The following TP53RK variants were observed in gnomAD, a reference collection of about 807,000 sequenced individuals.
TP53RK encodes the protein EKC/KEOPS complex subunit TP53RK.
TP53RK carries 17 observed loss-of-function variants against 14.9 expected under a neutral mutation model. That is an observed-to-expected ratio of 1.14 (90% confidence interval 0.78 to 1.71). The LOEUF is 1.71. Among genes scored for constraint, TP53RK ranks in the 40% most tolerant of loss-of-function variants. The pLI, the probability that TP53RK is intolerant of heterozygous loss-of-function variation, is 0.00. For missense variants in TP53RK, 343 were observed against 332.0 expected (o/e 1.03, Z -0.26); for synonymous variants, 131 against 138.0 (o/e 0.95, Z 0.36).
rs1289220115 is a variant in TP53RK, at chr20:46,687,199, AGTCC to A, written c.312_315del (p.Asp105MetfsTer15). 2 of 1,598,176 alleles carry A rather than the reference AGTCC, an allele frequency of 1.3e-6. No homozygotes were observed. The highest frequency in any genetic ancestry group is 1.7e-5 in the Admixed American group (1 of 58,680). On this transcript the variant is annotated frameshift_variant, in exon 2 of 2. Coordinates refer to ENST00000372114, the MANE Select transcript of TP53RK (RefSeq NM_033550.4). LOFTEE classifies it high-confidence loss of function. Reference sequence around the variant, plus strand: ...TCCATATATAAGCAGTTGGAAGCATAGTCCACAAAAAAGACAACTGGGGCAGATA... The same window carrying A: ...TCCATATATAAGCAGTTGGAAGCATAACAAAAAAGACAACTGGGGCAGATA...
intron 1 of TP53RK, among the ~76,000 whole-genome samples, chr20:46,688,481 G>A (rs1274939454): frequency 6.6e-6 from 1 of 152,244 alleles, no homozygotes; most frequent in Admixed American, 6.5e-5. Flanking sequence ...CAAAGTTTAT[G>A]GTGCTGGCGC....
chr20:46,686,754 T>A lies in TP53RK; in HGVS notation c.761A>T (p.Ter254LeuextTer10). The change falls in exon 2 of 2, where the codon TAG becomes TTG. Residue 254 changes from the stop codon to leucine, a stop_lost. Coordinates refer to ENST00000372114, the MANE Select transcript of TP53RK (RefSeq NM_033550.4). ...LRGRKRSMVG* is the reference protein window; with the variant it reads ...LRGRKRSMVGL ...TGTGTGGTTGTCATACACATTCTTC[T>A]ACCCAACCATGGACCTCTTTCTTCC... 1 of 1,610,662 alleles carries A rather than the reference T, an allele frequency of 6.2e-7. No homozygotes were observed. The highest frequency in any genetic ancestry group is 8.5e-7 in the Non-Finnish European group (1 of 1,177,310).
At chr20:46,687,526 A>G (rs2063185912) in intron 1 of TP53RK, among the ~76,000 whole-genome samples, 2 of 152,136 alleles carry the variant, frequency 1.3e-5, no homozygotes, top group African/African-American at 4.8e-5. Context: ...TAAAAAACAA[A>G]CAAAACAAAG....
chr20:46,689,005 C>T, intron 1 of TP53RK, 127 bp downstream of exon 1: 2 of 1,052,270 alleles, frequency 1.9e-6, no homozygotes, highest in Non-Finnish European at 1.3e-6. Flanking sequence ...TCCGAAAGGC[C>T]GGACACCGCA....
intron 1 of TP53RK, 107 bp from the exon 2 acceptor site, chr20:46,687,338 C>G (rs1344988512): frequency 5.2e-6 from 5 of 968,054 alleles, no homozygotes; most frequent in Admixed American, 2.3e-5. Context: ...TATTTCAGGA[C>G]TATTGAGGAA....
In TP53RK at chr20:46,689,154, C is replaced by G; in HGVS notation, c.261G>C (p.Ala87=). Reference sequence around the variant, plus strand: ...TACCAGCGCGGCGACAGCGGAGGAGCGCCCGGGCCTCCTGCACCGTCCGCC... The same window carrying G: ...TACCAGCGCGGCGACAGCGGAGGAGGGCCCGGGCCTCCTGCACCGTCCGCC... ...GRRRTVQEAR[A]LLRCRRAGIS... Residue 87 remains alanine (A), a synonymous_variant, in exon 1 of 2, where the codon GCG becomes GCC. Coordinates refer to ENST00000372114, the MANE Select transcript of TP53RK (RefSeq NM_033550.4). The G allele has an allele frequency of 7.1e-7, 1 of 1,418,050 alleles. No homozygotes were observed. Among genetic ancestry groups the G allele is most frequent in the South Asian group, 1.5e-5 (1 of 67,474 alleles). 87.8% of individuals were successfully genotyped at this position (1,418,050 alleles called of 1,614,324 possible). A position where few individuals can be genotyped will look rare whatever the true frequency, so the allele number is the denominator to read the frequency against.
Position 46,686,524 on chromosome 20 carries a change from A to G in TP53RK, c.*229T>C. The G allele has an allele frequency of 1.8e-6, 1 of 541,586 alleles. No homozygotes were observed. Among genetic ancestry groups the G allele is most frequent in the Middle Eastern group, 5.0e-4 (1 of 1,984 alleles). 33.5% of individuals were successfully genotyped at this position (541,586 alleles called of 1,614,324 possible). On this transcript the variant is annotated 3_prime_UTR_variant, in exon 2 of 2. Transcript: ENST00000372114. ...ATGTATCTGAGATATACATGTCACA[A>G]TCTGGGAGAAGCCTGTCCTCAATTT... is the stretch of plus-strand genomic sequence containing the variant.
Position 46,689,399 on chromosome 20 carries a change from C to T in TP53RK, c.16G>A (p.Ala6Thr), listed in dbSNP as rs751472539. 5 of 1,559,440 alleles carry T rather than the reference C, an allele frequency of 3.2e-6. No homozygotes were observed. Among genetic ancestry groups the T allele is most frequent in the South Asian group, 1.2e-5 (1 of 85,124 alleles). Residue 6 changes from alanine (A) to threonine (T), a missense_variant, in exon 1 of 2, where the codon GCT (alanine) becomes ACT (threonine). Physicochemically the swap from Ala to Thr is moderately conservative, Grantham distance 58. Coordinates refer to ENST00000372114, the MANE Select transcript of TP53RK (RefSeq NM_033550.4). ...TCCTCGCCATCGGCCGGCGTAGTAGCTCTGGCCGCCGCCATGACTGCTCGG... is the reference window on the plus strand; with the variant it reads ...TCCTCGCCATCGGCCGGCGTAGTAGTTCTGGCCGCCGCCATGACTGCTCGG... The part of the protein sequence containing the change: MAAAR[A>T]TTPADGEEPA...
chr20:46,687,086 G>A lies in TP53RK; in HGVS notation c.429C>T (p.Ala143=). Residue 143 remains alanine (A), a synonymous_variant, in exon 2 of 2, where the codon GCC becomes GCT. Coordinates refer to ENST00000372114, the MANE Select transcript of TP53RK (RefSeq NM_033550.4). Reference sequence around the variant, plus strand: ...GAGCCAAAACCTGCCCAATTGTCTTGGCTAAGTTGGAGAGACCCTGGGGAG... The same window carrying A: ...GAGCCAAAACCTGCCCAATTGTCTTAGCTAAGTTGGAGAGACCCTGGGGAG... ...EKTPQGLSNL[A]KTIGQVLARM... 1 of 1,614,122 alleles carries A rather than the reference G, an allele frequency of 6.2e-7. No homozygotes were observed. The highest frequency in any genetic ancestry group is 8.5e-7 in the Non-Finnish European group (1 of 1,180,038).
At position 46,687,203 on chromosome 20, in the gene TP53RK, C is replaced by T; in HGVS notation, c.312G>A (p.Val104=). The T allele has an allele frequency of 1.3e-6, 2 of 1,591,162 alleles. No individual in the cohort carries two copies. The highest frequency in any genetic ancestry group is 1.7e-6 in the Non-Finnish European group (2 of 1,166,574). The change falls in exon 2 of 2, where the codon GTG becomes GTA. Residue 104 remains valine, a synonymous_variant. Transcript: ENST00000372114. ...TATATAAGCAGTTGGAAGCATAGTC[C>T]ACAAAAAAGACAACTGGGGCAGATA... ...AGISAPVVFF[V]DYASNCLYME...
In TP53RK at chr20:46,686,886, G is replaced by C; in HGVS notation, c.629C>G (p.Thr210Ser). The C allele has an allele frequency of 6.2e-7, 1 of 1,614,160 alleles. No homozygotes were observed. Residue 210 changes from threonine (T) to serine (S), a missense_variant, in exon 2 of 2, where the codon ACC (threonine) becomes AGC (serine). Thr to Ser is a moderately conservative substitution (Grantham distance 58). Coordinates refer to ENST00000372114, the MANE Select transcript of TP53RK (RefSeq NM_033550.4). ...AAACACAGTTTCAGTGTTGGGATGGGTACTGAGGAAGGCCTTCTCCAGGAC... is the reference window on the plus strand; with the variant it reads ...AAACACAGTTTCAGTGTTGGGATGGCTACTGAGGAAGGCCTTCTCCAGGAC... ...LYVLEKAFLS[T>S]HPNTETVFEA...
rs138262569 is a variant in TP53RK at position 46,688,594 on chromosome 20, C to G, written c.283+538G>C. Among the ~76,000 whole-genome samples the G allele has an allele frequency of 3.5e-4, 54 of 152,368 alleles. No homozygotes were observed. In the East Asian group the frequency reaches 7.5e-3, roughly 21 times the overall value. On this transcript the variant is annotated intron_variant, in intron 1 of 1. Transcript: ENST00000372114. ...TGAACATAATACGTGACACACATAC[C>G]TCCTCTAATGGTCACAACATCCCTA...
Position 46,689,118 on chromosome 20 carries a change from C to T in TP53RK, c.283+14G>A. ...CCTCGGGGCCGCCCACGCCGGGATC[C>T]CGGCCCACCTTACCAGCGCGGCGAC... On this transcript the variant is annotated intron_variant, in intron 1 of 1. Transcript: ENST00000372114. 7.3e-7 allele frequency: 1 copy of T among 1,367,550 alleles called. No individual in the cohort carries two copies. The highest frequency in any genetic ancestry group is 9.4e-7 in the Non-Finnish European group (1 of 1,066,682). 84.7% of individuals were successfully genotyped at this position (1,367,550 alleles called of 1,614,324 possible).
At position 46,685,640 on chromosome 20, in the gene TP53RK, C is replaced by T. The variant is rs1029196340; in HGVS notation, c.*1113G>A. On this transcript the variant is annotated 3_prime_UTR_variant, in exon 2 of 2. Transcript: ENST00000372114. ...TTTTTTATAAAAATAAATATTCTTA[C>T]AAAAGGACAGGCGCTGTGTCTGTCT... 2 of 152,208 alleles carry T rather than the reference C, an allele frequency of 1.3e-5. No homozygotes were observed. Among genetic ancestry groups the T allele is most frequent in the Non-Finnish European group, 2.9e-5 (2 of 68,030 alleles). The allele number at this position is 152,208 out of a possible 1,614,324, so 9.4% of individuals were successfully genotyped here. A position where few individuals can be genotyped will look rare whatever the true frequency, so the allele number is the denominator to read the frequency against.
Position 46,685,443 on chromosome 20 carries a change from T to C in TP53RK, c.*1310A>G, listed in dbSNP as rs1360603986. On this transcript the variant is annotated 3_prime_UTR_variant, in exon 2 of 2. Transcript: ENST00000372114. ...GATGAATGAAAACAAAAACACAAAA[T>C]ACCAAAACTGAGAGTGTGTGATGAC... The C allele has an allele frequency of 6.6e-6, 1 of 152,048 alleles. No individual in the cohort carries two copies. Among genetic ancestry groups the C allele is most frequent in the Non-Finnish European group, 1.5e-5 (1 of 67,978 alleles). The allele number at this position is 152,048 out of a possible 1,614,324, so 9.4% of individuals were successfully genotyped here. A position where few individuals can be genotyped will look rare whatever the true frequency, so the allele number is the denominator to read the frequency against.
At position 46,684,541 on chromosome 20, in the gene TP53RK, T is replaced by C. The variant is rs2063171532; in HGVS notation, c.*2212A>G. 1 of 152,152 alleles carries C rather than the reference T, an allele frequency of 6.6e-6. No homozygotes were observed. The highest frequency in any genetic ancestry group is 2.4e-5 in the African/African-American group (1 of 41,450). The allele number at this position is 152,152 out of a possible 1,614,324, so 9.4% of individuals were successfully genotyped here. A position where few individuals can be genotyped will look rare whatever the true frequency, so the allele number is the denominator to read the frequency against. On this transcript the variant is annotated 3_prime_UTR_variant, in exon 2 of 2. Coordinates refer to ENST00000372114, the MANE Select transcript of TP53RK (RefSeq NM_033550.4). Reference sequence around the variant, plus strand: ...ACCATCAGATCTCGTGAGAACTCACTCGCTATCACGAGAACAGCACGGAGG... The same window carrying C: ...ACCATCAGATCTCGTGAGAACTCACCCGCTATCACGAGAACAGCACGGAGG...
At chr20:46,688,191 C>T (rs76489436) in intron 1 of TP53RK, among the ~76,000 whole-genome samples, 1 of 152,278 alleles carries the variant, frequency 6.6e-6, no homozygotes, top group East Asian at 1.9e-4. Context: ...TATGAATACA[C>T]AAATAACTTC....
rs1473663579 is a variant in TP53RK at position 46,689,390 on chromosome 20, G to A, written c.25C>T (p.Pro9Ser). Residue 9 changes from proline (P) to serine (S), a missense_variant, in exon 1 of 2, where the codon CCG (proline) becomes TCG (serine). By Grantham distance (74) the Pro-to-Ser change is moderately conservative. Coordinates refer to ENST00000372114, the MANE Select transcript of TP53RK (RefSeq NM_033550.4). ...GGGGCGGGCTCCTCGCCATCGGCCGGCGTAGTAGCTCTGGCCGCCGCCATG... is the reference window on the plus strand; with the variant it reads ...GGGGCGGGCTCCTCGCCATCGGCCGACGTAGTAGCTCTGGCCGCCGCCATG... The part of the protein sequence containing the change: MAAARATT[P>S]ADGEEPAPEA... 7 of 1,568,844 alleles carry A rather than the reference G, an allele frequency of 4.5e-6. No homozygotes were observed. Among genetic ancestry groups the A allele is most frequent in the East Asian group, 4.7e-5 (2 of 42,858 alleles).
chr20:46,686,893 G>A lies in TP53RK; in HGVS notation c.622C>T (p.Leu208Phe). Residue 208 changes from leucine (L) to phenylalanine (F), a missense_variant, in exon 2 of 2, where the codon CTC becomes TTC. Transcript: ENST00000372114. Reference sequence around the variant, plus strand: ...GTTTCAGTGTTGGGATGGGTACTGAGGAAGGCCTTCTCCAGGACATAGAGG... The same window carrying A: ...GTTTCAGTGTTGGGATGGGTACTGAAGAAGGCCTTCTCCAGGACATAGAGG... ...VDLYVLEKAF[L>F]STHPNTETVF... The A allele has an allele frequency of 6.2e-7, 1 of 1,614,104 alleles. No individual in the cohort carries two copies. The highest frequency in any genetic ancestry group is 8.5e-7 in the Non-Finnish European group (1 of 1,180,028).
Sources: gnomAD v4.1 joint callset for allele counts (sites outside exome capture counted in the v4.1 genomes callset) on GRCh38, gnomAD v4.1.1 for gene constraint, MANE v1.5 for transcripts, NCBI Gene and HGNC (gene_info 2026-07-23, HGNC 2026-07-21) for gene names.